RANBP2: variants seen among roughly 807,000 people sequenced by gnomAD.
RANBP2 encodes the protein E3 SUMO-protein ligase RanBP2.
In RANBP2, 57 loss-of-function variants were observed where a neutral mutation model predicts 303.6. That is an observed-to-expected ratio of 0.19 (90% CI 0.15 to 0.23). The LOEUF is 0.23. RANBP2 is among the 10% of genes least tolerant of loss of function. The pLI, the probability that RANBP2 is intolerant of heterozygous loss-of-function variation, is 1.00. For synonymous variants in RANBP2, 1,167 were observed against 1,301.5 expected (o/e 0.90, Z 2.23); for missense variants, 3,138 against 3,780.8 (o/e 0.83, Z 4.46).
the RANBP2 span, among the ~76,000 whole-genome samples, chr2:109,630,285 G>C: frequency 6.6e-6 from 1 of 152,132 alleles, no homozygotes; most frequent in Non-Finnish European, 1.5e-5. Flanking sequence ...GCTCAGGTTG[G>C]AGCATGCCTT....
rs1426433428 is a variant in RANBP2, at chr2:108,783,675, T to C, written c.9449T>C (p.Val3150Ala). Residue 3150 changes from valine (V) to alanine (A), a missense_variant, in exon 29 of 29, where the codon GTG becomes GCG. Transcript: ENST00000283195. Reference protein sequence around the residue: ...GDKFEDENFDVKHTGPGLLSM... With the variant: ...GDKFEDENFDAKHTGPGLLSM... ...AAATTTGAAGATGAAAATTTTGATG[T>C]GAAACATACTGGTCCTGGTTTACTA... 6.2e-7 allele frequency: 1 copy of C among 1,610,198 alleles called. No individual in the cohort carries two copies. The highest frequency in any genetic ancestry group is 8.5e-7 in the Non-Finnish European group (1 of 1,176,536).
chr2:109,413,168 G>T, the RANBP2 span, among the ~76,000 whole-genome samples: 8 of 152,212 alleles, frequency 5.3e-5, no homozygotes, highest in Non-Finnish European at 1.0e-4. Flanking sequence ...AGGCTGGAGT[G>T]CAGTGGCGTG....
At chr2:109,325,331 C>CTTTTTTTTT in the RANBP2 span, among the ~76,000 whole-genome samples, 21 of 66,260 alleles carry the variant, frequency 3.2e-4, no homozygotes, top group Non-Finnish European at 4.3e-4. Context: ...TTCTTTCTTT[C>CTTTTTTTTT]TTTTTTTTTT....
chr2:108,976,755 T>A, the RANBP2 span, among the ~76,000 whole-genome samples: 1 of 152,222 alleles, frequency 6.6e-6, no homozygotes, highest in Non-Finnish European at 1.5e-5. Context: ...GACTGGGAGC[T>A]CTTTTAGTTG....
chr2:109,475,982 CTCT>C, the RANBP2 span, among the ~76,000 whole-genome samples: 1 of 152,362 alleles, frequency 6.6e-6, no homozygotes, highest in African/African-American at 2.4e-5. Flanking sequence ...TTGGAGCTGA[CTCT>C]TCTTGCTCAG....
chr2:109,106,855 A>G, the RANBP2 span, among the ~76,000 whole-genome samples: 3 of 151,996 alleles, frequency 2.0e-5, no homozygotes, highest in Non-Finnish European at 4.4e-5. Flanking sequence ...AAAGAAAAGA[A>G]GAGAAAAAAG....
the RANBP2 span, among the ~76,000 whole-genome samples, chr2:109,346,192 T>A: frequency 2.0e-4 from 30 of 152,214 alleles, no homozygotes; most frequent in African/African-American, 7.0e-4. Flanking sequence ...ATTTTTTTTT[T>A]CTCTTCGAGT....
the RANBP2 span, among the ~76,000 whole-genome samples, chr2:108,937,632 T>G: frequency 0.015 from 2,224 of 149,996 alleles, 25 homozygotes; most frequent in South Asian, 0.031. Context: ...GTCTGTATGT[T>G]TATGTTTGTG....
the RANBP2 span, among the ~76,000 whole-genome samples, chr2:109,283,423 G>T: frequency 6.6e-6 from 1 of 152,226 alleles, no homozygotes; most frequent in Non-Finnish European, 1.5e-5. Context: ...AGCTCACAGA[G>T]GGAGTGGAGC....
chr2:109,087,128 C>T, the RANBP2 span, among the ~76,000 whole-genome samples: 1 of 152,148 alleles, frequency 6.6e-6, no homozygotes, highest in African/African-American at 2.4e-5. Flanking sequence ...CAGAAAGAGC[C>T]CTCTGTTCCC....
chr2:109,540,634 G>A, the RANBP2 span, among the ~76,000 whole-genome samples: 1 of 151,322 alleles, frequency 6.6e-6, no homozygotes, highest in Admixed American at 6.6e-5. Context: ...AGACCAGCCT[G>A]GGTGAGACTC....
the RANBP2 span, among the ~76,000 whole-genome samples, chr2:108,995,343 A>AT: frequency 5.3e-5 from 8 of 152,310 alleles, no homozygotes; most frequent in South Asian, 1.7e-3. Flanking sequence ...AATCACACCT[A>AT]TTACAACATT....
At chr2:108,998,521 A>C in the RANBP2 span, among the ~76,000 whole-genome samples, 2 of 152,092 alleles carry the variant, frequency 1.3e-5, no homozygotes, top group Admixed American at 1.3e-4. Context: ...ACCACCACTA[A>C]TCCTCCTAAG....
chr2:109,690,140 A>G, the RANBP2 span, among the ~76,000 whole-genome samples: 37 of 152,292 alleles, frequency 2.4e-4, no homozygotes, highest in African/African-American at 8.4e-4. Flanking sequence ...TTATTTTGCC[A>G]AAGTTAAGGA....
chr2:109,134,608 G>A, the RANBP2 span, among the ~76,000 whole-genome samples: 1 of 152,214 alleles, frequency 6.6e-6, no homozygotes, highest in African/African-American at 2.4e-5. Flanking sequence ...GAGGTTGCTA[G>A]TTACACAGGT....
the RANBP2 span, chr2:109,616,175 C>T: frequency 7.2e-7 from 1 of 1,391,652 alleles, no homozygotes; most frequent in East Asian, 2.7e-5. Context: ...TGCATTCTTA[C>T]TTGAGGGATC....
the RANBP2 span, among the ~76,000 whole-genome samples, chr2:109,465,561 G>T: frequency 3.3e-5 from 5 of 152,250 alleles, no homozygotes; most frequent in East Asian, 9.6e-4. Context: ...ATTATACTTT[G>T]CAGTTCCCTA....
At chr2:109,253,924 A>G in the RANBP2 span, among the ~76,000 whole-genome samples, 1 of 152,118 alleles carries the variant, frequency 6.6e-6, no homozygotes, top group South Asian at 2.1e-4. Flanking sequence ...GGAAGTCTTT[A>G]ATTCCCCTTC....
At chr2:109,356,260 A>T in the RANBP2 span, among the ~76,000 whole-genome samples, 1 of 152,238 alleles carries the variant, frequency 6.6e-6, no homozygotes, top group East Asian at 1.9e-4. Context: ...GGAACATTCT[A>T]GATCCCACCG....
Sources: gnomAD v4.1 joint callset for allele counts (sites outside exome capture counted in the v4.1 genomes callset) on GRCh38, gnomAD v4.1.1 for gene constraint, MANE v1.5 for transcripts, NCBI Gene and HGNC (gene_info 2026-07-23, HGNC 2026-07-21) for gene names.